The following SEMA3C variants were observed in gnomAD, a reference collection of about 807,000 sequenced individuals.
SEMA3C encodes semaphorin-3C.
In SEMA3C, 47 loss-of-function variants were observed where a neutral mutation model predicts 89.4. The observed-to-expected ratio is 0.53, with a 90% CI of 0.42 to 0.67. The LOEUF (loss-of-function observed/expected upper bound fraction) is 0.67, where lower values mean the gene tolerates loss of function less well. Among genes scored for constraint, SEMA3C ranks in the 30% least tolerant of loss-of-function variants. The probability of loss-of-function intolerance (pLI) is 0.00; values close to 1 mark genes in which losing one functional copy is unlikely to be tolerated. For synonymous variants in SEMA3C, 310 were observed against 320.2 expected, an observed-to-expected ratio of 0.97 and a Z score of 0.34; for missense variants, 839 against 929.1, an observed-to-expected ratio of 0.90 and a Z score of 1.26.
At chr7:80,828,832 CA>C (rs1217847806) in intron 2 of SEMA3C, 87 bp from the exon 3 acceptor site, 10 of 1,000,360 alleles carry the variant, frequency 1.0e-5, no homozygotes, top group East Asian at 2.7e-5. Flanking sequence ...GCAAATATTC[CA>C]AAAAATGTCA....
chr7:80,792,872 G>C (rs1264044514), intron 11 of SEMA3C, among the ~76,000 whole-genome samples: 2 of 152,128 alleles, frequency 1.3e-5, no homozygotes, highest in African/African-American at 4.8e-5. Flanking sequence ...GCCCTTTGTA[G>C]ACTCTGTCTG....
At chr7:80,800,702 G>T in intron 10 of SEMA3C, 55 bp downstream of exon 10, 4 of 1,039,094 alleles carry the variant, frequency 3.8e-6, no homozygotes, top group African/African-American at 1.7e-5. Context: ...AATAATTACT[G>T]TTACTCCATG....
At chr7:80,810,993 T>A (rs1789454978) in intron 5 of SEMA3C, among the ~76,000 whole-genome samples, 1 of 152,146 alleles carries the variant, frequency 6.6e-6, no homozygotes, top group Non-Finnish European at 1.5e-5. Flanking sequence ...AAACCAAGTA[T>A]TATTATAAAT....
chr7:80,895,405 G>A (rs1791710275), intron 2 of SEMA3C, among the ~76,000 whole-genome samples: 1 of 152,092 alleles, frequency 6.6e-6, no homozygotes, highest in South Asian at 2.1e-4. Context: ...AGCCTCATTA[G>A]TTTCTCCTAT....
intron 13 of SEMA3C, among the ~76,000 whole-genome samples, chr7:80,762,977 T>C (rs1788219632): frequency 6.6e-6 from 1 of 152,232 alleles, no homozygotes; most frequent in Non-Finnish European, 1.5e-5. Flanking sequence ...AAAACAGTGA[T>C]ATCTTTAATT....
intron 2 of SEMA3C, among the ~76,000 whole-genome samples, chr7:80,851,080 T>C (rs913113671): frequency 6.6e-6 from 1 of 152,158 alleles, no homozygotes; most frequent in East Asian, 1.9e-4. Flanking sequence ...TTCTCTTCTG[T>C]GTCAGTTTCT....
At chr7:80,796,997 C>T (rs1322446891) in intron 11 of SEMA3C, among the ~76,000 whole-genome samples, 18 of 151,322 alleles carry the variant, frequency 1.2e-4, no homozygotes. Flanking sequence ...AATGAATCAA[C>T]AATTAGTAAA....
intron 7 of SEMA3C, 35 bp from the exon 8 acceptor site, chr7:80,804,283 A>C (rs1428710130): frequency 1.2e-5 from 18 of 1,446,060 alleles, no homozygotes; most frequent in Non-Finnish European, 1.7e-5. Flanking sequence ...GTATATATTC[A>C]TTATGAAAAT....
Position 80,889,463 on chromosome 7 carries a change from T to C in SEMA3C, c.103+27216A>G, listed in dbSNP as rs565289260. Among the ~76,000 whole-genome samples, 55 of 152,262 alleles carry C rather than the reference T, an allele frequency of 3.6e-4. 1 individual carries two copies. The highest frequency in any genetic ancestry group is 3.3e-4 in the Admixed American group (5 of 15,296). On this transcript the variant is annotated intron_variant, in intron 2 of 17. Coordinates refer to ENST00000265361, the MANE Select transcript of SEMA3C (RefSeq NM_006379.5). ...AATATAGAAGATGTCATTATCCTCT[T>C]TGTTGTATTACAACACATTCCTGTG...
At chr7:80,763,969 A>G (rs3807100) in intron 13 of SEMA3C, among the ~76,000 whole-genome samples, 15,804 of 152,268 alleles carry the variant, frequency 0.1, 1,240 homozygotes, top group East Asian at 0.25. Flanking sequence ...TTAGTCTAGC[A>G]TTAAAAATTA....
At chr7:80,841,186 CA>C (rs1790260213) in intron 2 of SEMA3C, among the ~76,000 whole-genome samples, 1 of 152,142 alleles carries the variant, frequency 6.6e-6, no homozygotes. Flanking sequence ...GCCATGATCA[CA>C]TACAAGTTTG....
At chr7:80,893,056 T>C (rs1216120465) in intron 2 of SEMA3C, among the ~76,000 whole-genome samples, 1 of 152,230 alleles carries the variant, frequency 6.6e-6, no homozygotes, top group Non-Finnish European at 1.5e-5. Context: ...CATTAGCAGA[T>C]GACTAAAAGA....
chr7:80,780,941 T>C (rs1485383313), intron 12 of SEMA3C, among the ~76,000 whole-genome samples: 3 of 152,098 alleles, frequency 2.0e-5, no homozygotes, highest in East Asian at 3.9e-4. Flanking sequence ...CCATCACAGG[T>C]CTCACTGCAC....
At chr7:80,781,312 C>T (rs1257647265) in intron 12 of SEMA3C, among the ~76,000 whole-genome samples, 1 of 152,168 alleles carries the variant, frequency 6.6e-6, no homozygotes, top group African/African-American at 2.4e-5. Flanking sequence ...TCTTTTGGGA[C>T]AGAGGCATTA....
chr7:80,881,889 C>G (rs949852673), intron 2 of SEMA3C, among the ~76,000 whole-genome samples: 1 of 151,976 alleles, frequency 6.6e-6, no homozygotes, highest in Non-Finnish European at 1.5e-5. Flanking sequence ...GGTTTATCCA[C>G]GTATGGATAC....
chr7:80,803,567 C>A lies in SEMA3C; in HGVS notation c.801+539G>T, dbSNP rs73372918. Among the ~76,000 whole-genome samples the A allele has an allele frequency of 9.6e-3, 1,467 of 152,186 alleles. 22 individuals are homozygous for A. The highest frequency in any genetic ancestry group is 0.033 in the African/African-American group (1,391 of 41,542). ...TTATAGAAAGGACATCACAAATTTTCTTGTGTTGCTATGTATACTTATTGT... is the reference window on the plus strand; with the variant it reads ...TTATAGAAAGGACATCACAAATTTTATTGTGTTGCTATGTATACTTATTGT... On this transcript the variant is annotated intron_variant, in intron 8 of 17. Coordinates refer to ENST00000265361, the MANE Select transcript of SEMA3C (RefSeq NM_006379.5).
chr7:80,812,961 A>ATTTTTTTTT (rs1215661147), intron 5 of SEMA3C, among the ~76,000 whole-genome samples: 16 of 92,440 alleles, frequency 1.7e-4, no homozygotes, highest in African/African-American at 2.1e-4. Flanking sequence ...TATTTTTTGT[A>ATTTTTTTTT]TTTTTTTTTT....
intron 2 of SEMA3C, among the ~76,000 whole-genome samples, chr7:80,907,270 G>T (rs1349279754): frequency 6.6e-6 from 1 of 151,960 alleles, no homozygotes; most frequent in Admixed American, 6.6e-5. Context: ...CTAAAGATCC[G>T]CTCTCTGTGC....
chr7:80,849,951 T>TA (rs1242780603), intron 2 of SEMA3C, among the ~76,000 whole-genome samples: 1 of 151,942 alleles, frequency 6.6e-6, no homozygotes, highest in Non-Finnish European at 1.5e-5. Flanking sequence ...GAAACTAATT[T>TA]AAAAAAATAC....
Sources: allele counts gnomAD v4.1 joint callset (sites outside exome capture counted in the v4.1 genomes callset), GRCh38; gene constraint gnomAD v4.1.1; transcripts MANE v1.5; gene names NCBI Gene and HGNC (gene_info 2026-07-23, HGNC 2026-07-21).